RNF6: variants seen among roughly 807,000 people sequenced by gnomAD.
RNF6 encodes the protein E3 ubiquitin-protein ligase RNF6.
Under a neutral mutation model 50.1 loss-of-function variants are expected in RNF6, and 21 were observed. The ratio of observed to expected loss-of-function variants is 0.42; its 90% CI spans 0.30 to 0.60. RNF6 has a LOEUF of 0.60. Ranked by LOEUF, RNF6 falls within the 20% of genes least tolerant of loss-of-function variation. RNF6 has a pLI of 0.20. For missense variants in RNF6, 698 were observed against 838.2 expected, an observed-to-expected ratio of 0.83 and a Z score of 2.07; for synonymous variants, 255 against 291.8, an observed-to-expected ratio of 0.87 and a Z score of 1.29.
intron 5 of RNF6, among the ~76,000 whole-genome samples, chr13:26,144,128 C>G (rs756008518): frequency 6.7e-6 from 1 of 149,542 alleles, no homozygotes; most frequent in Non-Finnish European, 1.5e-5. Context: ...ACATTGGGCA[C>G]TCAGTGACGG....
At chr13:26,164,935 C>A (rs1292463207) in intron 5 of RNF6, among the ~76,000 whole-genome samples, 1 of 152,142 alleles carries the variant, frequency 6.6e-6, no homozygotes, top group Admixed American at 6.6e-5. Flanking sequence ...GAAATTCAAG[C>A]CAGCTGCAGA....
At chr13:26,160,447 C>T (rs1264511059) in intron 5 of RNF6, among the ~76,000 whole-genome samples, 2 of 151,766 alleles carry the variant, frequency 1.3e-5, no homozygotes, top group African/African-American at 2.4e-5. Flanking sequence ...TGGACTTGAA[C>T]TCCTGGGCTC....
At position 26,214,333 on chromosome 13, in the gene RNF6, G is replaced by T; in HGVS notation, c.1549C>A (p.His517Asn). The T allele has an allele frequency of 6.2e-7, 1 of 1,614,118 alleles. No individual in the cohort carries two copies. The highest frequency in any genetic ancestry group is 8.5e-7 in the Non-Finnish European group (1 of 1,180,038). The change falls in exon 5 of 5, where the codon CAC becomes AAC. Residue 517 changes from histidine (H) to asparagine (N), a missense_variant. Physicochemically the swap from His to Asn is moderately conservative, Grantham distance 68. Coordinates refer to ENST00000381588, the MANE Select transcript of RNF6 (RefSeq NM_005977.4). ...GTACCTAAGTTACTCAGTTCTGAGT[G>T]CATGTCTGGTAAATGCTGGCCATTT... is the stretch of plus-strand genomic sequence containing the variant. ...QRNGQHLPDM[H>N]SELSNLGTDN...
At chr13:26,167,177 T>C (rs1872492359) in intron 5 of RNF6, among the ~76,000 whole-genome samples, 1 of 152,142 alleles carries the variant, frequency 6.6e-6, no homozygotes, top group Admixed American at 6.5e-5. Flanking sequence ...CCAAAAGCAA[T>C]TGCAACAAAA....
At chr13:26,211,611 C>T (rs1049695826), downstream of RNF6, among the ~76,000 whole-genome samples, 3 of 152,030 alleles carry the variant, frequency 2.0e-5, no homozygotes, top group Middle Eastern at 3.4e-3. Context: ...ACAGAAAATT[C>T]GCCGGGCGTG....
intron 5 of RNF6, among the ~76,000 whole-genome samples, chr13:26,173,949 CAAA>C (rs10674426): frequency 3.4e-5 from 4 of 117,942 alleles, no homozygotes; most frequent in Admixed American, 1.7e-4. Context: ...GACTCCGTCT[CAAA>C]AAAAAAAAAA....
intron 5 of RNF6, among the ~76,000 whole-genome samples, chr13:26,152,781 A>G (rs1338679989): frequency 1.3e-5 from 2 of 152,212 alleles, no homozygotes; most frequent in African/African-American, 2.4e-5. Flanking sequence ...TCATTGTTAC[A>G]GACATTAGAG....
chr13:26,140,824 G>T (rs1870900848), intron 5 of RNF6, among the ~76,000 whole-genome samples: 1 of 152,148 alleles, frequency 6.6e-6, no homozygotes, highest in African/African-American at 2.4e-5. Context: ...AACAGCATCT[G>T]CATAGAACAA....
intron 1 of RNF6, 149 bp from the exon 2 acceptor site, chr13:26,221,479 A>G (rs1361933184): frequency 6.6e-6 from 1 of 152,194 alleles, no homozygotes; most frequent in African/African-American, 2.4e-5. Flanking sequence ...ATCCCCATAC[A>G]ATTAGGTCAC....
intron 5 of RNF6, among the ~76,000 whole-genome samples, chr13:26,184,010 ATATATATATTTTTTTTTTTTTT>A (rs1873376985): frequency 7.7e-5 from 3 of 39,158 alleles, no homozygotes; most frequent in African/African-American, 3.8e-4. Flanking sequence ...ATATATATAT[ATATATATATTTTTTTTTTTTTT>A]TTTTTTTTTT....
downstream of RNF6, among the ~76,000 whole-genome samples, chr13:26,211,689 C>T (rs1032610759): frequency 3.3e-5 from 5 of 151,986 alleles, no homozygotes; most frequent in Non-Finnish European, 5.9e-5. Flanking sequence ...ACCTGTGAGG[C>T]GGAGGTTGCA....
intron 5 of RNF6, among the ~76,000 whole-genome samples, chr13:26,174,496 C>CAAA (rs3981341): frequency 9.9e-4 from 148 of 149,348 alleles, no homozygotes; most frequent in East Asian, 4.4e-3. Context: ...ACTAAAAATA[C>CAAA]AAAAAAAAAA....
At chr13:26,165,849 AG>A (rs1339663710) in intron 5 of RNF6, among the ~76,000 whole-genome samples, 1 of 152,218 alleles carries the variant, frequency 6.6e-6, no homozygotes, top group Non-Finnish European at 1.5e-5. Context: ...CGTAGGCAGG[AG>A]GGACTTGCCT....
chr13:26,150,501 A>G (rs1374308115), intron 5 of RNF6, among the ~76,000 whole-genome samples: 1 of 152,180 alleles, frequency 6.6e-6, no homozygotes, highest in Non-Finnish European at 1.5e-5. Context: ...ATGAAGATGC[A>G]GCACAATTTG....
At chr13:26,216,078 T>C (rs1034665356) in intron 4 of RNF6, among the ~76,000 whole-genome samples, 1 of 152,236 alleles carries the variant, frequency 6.6e-6, no homozygotes, top group Non-Finnish European at 1.5e-5. Context: ...TTCCTATTTC[T>C]CAGGTGCTGC....
intron 5 of RNF6, among the ~76,000 whole-genome samples, chr13:26,161,834 T>C (rs1242882430): frequency 6.6e-6 from 1 of 152,100 alleles, no homozygotes; most frequent in African/African-American, 2.4e-5. Flanking sequence ...TAGCAGAAAA[T>C]CCCATTGTGT....
rs778736292 is a variant in RNF6, at chr13:26,214,549, T to C, written c.1333A>G (p.Ile445Val). ...ESNSGGFRRT[I>V]SRLERSGIRT... Reference sequence around the variant, plus strand: ...ATACCTGACCGCTCTAAACGAGAAATGGTTCGGCGAAAGCCCCCACTATTG... The same window carrying C: ...ATACCTGACCGCTCTAAACGAGAAACGGTTCGGCGAAAGCCCCCACTATTG... The change falls in exon 5 of 5, where the codon ATT becomes GTT. Residue 445 changes from isoleucine to valine, a missense_variant. Ile to Val is a conservative substitution (Grantham distance 29). Transcript: ENST00000381588. 3 of 1,614,136 alleles carry C rather than the reference T, an allele frequency of 1.9e-6. No homozygotes were observed. Among genetic ancestry groups the C allele is most frequent in the East Asian group, 4.5e-5 (2 of 44,872 alleles).
chr13:26,181,492 C>T (rs1358168908), intron 5 of RNF6, among the ~76,000 whole-genome samples: 1 of 152,290 alleles, frequency 6.6e-6, no homozygotes, highest in South Asian at 2.1e-4. Context: ...CCTGCACAGC[C>T]ATAACCACTG....
At chr13:26,132,755 C>A (rs1870457263) in intron 5 of RNF6, among the ~76,000 whole-genome samples, 1 of 152,182 alleles carries the variant, frequency 6.6e-6, no homozygotes, top group Non-Finnish European at 1.5e-5. Flanking sequence ...ACATTTGATA[C>A]ATTTATGTAT....
Sources: gnomAD v4.1 joint callset for allele counts (sites outside exome capture counted in the v4.1 genomes callset) on GRCh38, gnomAD v4.1.1 for gene constraint, MANE v1.5 for transcripts, NCBI Gene and HGNC (gene_info 2026-07-23, HGNC 2026-07-21) for gene names.